The following HELZ variants were observed in gnomAD, a reference collection of about 807,000 sequenced individuals.
The protein encoded by HELZ is ATP-dependent RNA helicase with zinc finger domain.
A neutral mutation model predicts 218.2 loss-of-function variants in HELZ; 23 were observed. That is an observed-to-expected ratio of 0.11 (90% CI 0.08 to 0.15). HELZ has a LOEUF of 0.15. Among genes scored for constraint, HELZ ranks in the 10% least tolerant of loss-of-function variants. The probability of loss-of-function intolerance (pLI) is 1.00; values close to 1 mark genes in which losing one functional copy is unlikely to be tolerated. For synonymous variants in HELZ, 814 were observed against 829.4 expected, an observed-to-expected ratio of 0.98 and a Z score of 0.32; for missense variants, 1,813 against 2,353.7, an observed-to-expected ratio of 0.77 and a Z score of 4.75.
At chr17:67,109,001 G>A (rs1183730582) in intron 29 of HELZ, 115 bp downstream of exon 29, 2 of 877,864 alleles carry the variant, frequency 2.3e-6, no homozygotes, top group Non-Finnish European at 3.5e-6. Flanking sequence ...AAATGGGGGG[G>A]TTTTGCTAGC....
At chr17:67,235,468 G>A (rs958921271) in intron 3 of HELZ, among the ~76,000 whole-genome samples, 22 of 150,818 alleles carry the variant, frequency 1.5e-4, no homozygotes, top group Non-Finnish European at 1.0e-4. Context: ...TCGTGTCACT[G>A]TACTCCAGCC....
chr17:67,145,527 A>G (rs1374085165), intron 21 of HELZ, among the ~76,000 whole-genome samples: 1 of 152,182 alleles, frequency 6.6e-6, no homozygotes, highest in African/African-American at 2.4e-5. Flanking sequence ...TTGTCTTACC[A>G]TAAGACAAAA....
chr17:67,238,647 T>G (rs552596911), intron 3 of HELZ, among the ~76,000 whole-genome samples: 1 of 151,718 alleles, frequency 6.6e-6, no homozygotes, highest in Non-Finnish European at 1.5e-5. Flanking sequence ...GTGCCATTCA[T>G]TGCACTCCAG....
At chr17:67,119,440 A>G (rs1025434439) in intron 27 of HELZ, among the ~76,000 whole-genome samples, 5 of 152,220 alleles carry the variant, frequency 3.3e-5, no homozygotes, top group African/African-American at 1.2e-4. Context: ...ATGGGACAAA[A>G]GTCAGATCAG....
At chr17:67,212,815 C>G (rs2040492926) in intron 5 of HELZ, among the ~76,000 whole-genome samples, 1 of 152,126 alleles carries the variant, frequency 6.6e-6, no homozygotes, top group South Asian at 2.1e-4. Flanking sequence ...ACAATTTTTT[C>G]TCTCTTTTGG....
chr17:67,126,688 AAC>A (rs10623703), intron 24 of HELZ, among the ~76,000 whole-genome samples: 15,204 of 149,832 alleles, frequency 0.1, 2,022 homozygotes, highest in African/African-American at 0.31. Flanking sequence ...GTCCTGCTAA[AAC>A]ACACACACAC....
At chr17:67,224,091 T>C (rs1290787510) in intron 3 of HELZ, among the ~76,000 whole-genome samples, 1 of 152,118 alleles carries the variant, frequency 6.6e-6, no homozygotes, top group Non-Finnish European at 1.5e-5. Flanking sequence ...ACCAGGGATG[T>C]GGGGTGGCAT....
At chr17:67,204,853 T>C (rs1035824539) in intron 5 of HELZ, among the ~76,000 whole-genome samples, 1 of 152,170 alleles carries the variant, frequency 6.6e-6, no homozygotes, top group African/African-American at 2.4e-5. Context: ...TCATTAAGAA[T>C]GTCTTGAGTG....
chr17:67,149,709 C>A (rs1401879496), intron 19 of HELZ, among the ~76,000 whole-genome samples, 158 bp downstream of exon 19: 1 of 152,132 alleles, frequency 6.6e-6, no homozygotes. Flanking sequence ...AATTTTTCTT[C>A]AGAAATAACA....
Position 67,188,276 on chromosome 17 carries a change from C to T in HELZ, c.1162+43G>A, listed in dbSNP as rs891562170. The stretch of plus-strand genomic sequence containing the variant: ...GGCCAATACATATCTTTGAATGTTG[C>T]TTTTTAACACATTGTATCGGGGGAA... On this transcript the variant is annotated intron_variant, in intron 12 of 32. Coordinates refer to ENST00000358691, the MANE Select transcript of HELZ (RefSeq NM_014877.4). This position sits in a 1 kb window ranked among gnomAD's most constrained non-coding sequence, Gnocchi z 4.1. 6 of 1,538,274 alleles carry T rather than the reference C, an allele frequency of 3.9e-6. No individual in the cohort carries two copies. Among genetic ancestry groups the T allele is most frequent in the Non-Finnish European group, 5.3e-6 (6 of 1,130,930 alleles).
chr17:67,104,415 TGCA>T (rs1178290513), intron 31 of HELZ, among the ~76,000 whole-genome samples: 2 of 145,582 alleles, frequency 1.4e-5, no homozygotes, highest in Non-Finnish European at 3.0e-5. Flanking sequence ...CTCCAGCCTG[TGCA>T]ACAGAGCGAG....
At chr17:67,146,030 T>A (rs2038486268) in intron 20 of HELZ, 140 bp from the exon 21 acceptor site, 1 of 713,126 alleles carries the variant, frequency 1.4e-6, no homozygotes, top group Non-Finnish European at 2.3e-6. Flanking sequence ...CTAATACTTG[T>A]GATACCAAGA....
At chr17:67,152,767 T>TA (rs368609592) in intron 17 of HELZ, among the ~76,000 whole-genome samples, 47,796 of 124,740 alleles carry the variant, frequency 0.38, 9,536 homozygotes, top group East Asian at 0.79. Flanking sequence ...AGAGTAGATT[T>TA]AAAAAAAAAA....
chr17:67,091,289 A>G (rs1013495765), intron 31 of HELZ, among the ~76,000 whole-genome samples: 9 of 152,128 alleles, frequency 5.9e-5, no homozygotes, highest in African/African-American at 1.9e-4. Context: ...AAAAGCCTCA[A>G]TGGTCATCCT....
intron 32 of HELZ, among the ~76,000 whole-genome samples, chr17:67,079,377 A>G (rs1328742395): frequency 6.6e-6 from 1 of 152,124 alleles, no homozygotes; most frequent in Admixed American, 6.5e-5. Flanking sequence ...ATTTTTCCCT[A>G]AGTACTTGAT....
chr17:67,149,019 C>T, intron 19 of HELZ, among the ~76,000 whole-genome samples: 1 of 152,100 alleles, frequency 6.6e-6, no homozygotes, highest in African/African-American at 2.4e-5. Flanking sequence ...GGCATGCAAC[C>T]CACTGTATCA....
chr17:67,078,917 A>G (rs957327395), intron 32 of HELZ, among the ~76,000 whole-genome samples: 8 of 152,276 alleles, frequency 5.3e-5, no homozygotes, highest in African/African-American at 1.7e-4. Flanking sequence ...CATAGTTTGT[A>G]AACAGGCACA....
chr17:67,230,768 G>A (rs1217525987), intron 3 of HELZ, among the ~76,000 whole-genome samples: 2 of 152,040 alleles, frequency 1.3e-5, no homozygotes, highest in African/African-American at 4.8e-5. Flanking sequence ...ACTACCACCA[G>A]TACTATCACA....
chr17:67,194,018 C>T lies in HELZ; in HGVS notation c.506G>A (p.Arg169His). The change falls in exon 9 of 33, where the codon CGC becomes CAC. Residue 169 changes from arginine to histidine, a missense_variant. This residue lies in a region of HELZ where 714 missense variants were observed against 1,029.2 expected (regional missense o/e 0.69). Transcript: ENST00000358691. The part of the protein sequence containing the change: ...DEGSCNGWHF[R>H]PPPRGITSSE... ...GCTTGTGATTCCCCTAGGTGGTGGG[C>T]GGAAATGCCAACCATTACAAGACCC... is the stretch of plus-strand genomic sequence containing the variant. 3 of 1,613,080 alleles carry T rather than the reference C, an allele frequency of 1.9e-6. No homozygotes were observed. Among genetic ancestry groups the T allele is most frequent in the Non-Finnish European group, 2.5e-6 (3 of 1,179,512 alleles).
Sources: allele counts gnomAD v4.1 joint callset (sites outside exome capture counted in the v4.1 genomes callset), GRCh38; gene constraint gnomAD v4.1.1; regional missense constraint gnomAD v4.1.1; non-coding constraint Gnocchi (gnomAD v3.1); transcripts MANE v1.5; gene names NCBI Gene and HGNC (gene_info 2026-07-23, HGNC 2026-07-21).